The following PCDHGA1 variants were observed in gnomAD, a reference collection of about 807,000 sequenced individuals.
PCDHGA1 encodes the protein protocadherin gamma subfamily A, 1.
Under a neutral mutation model 58.0 loss-of-function variants are expected in PCDHGA1, and 32 were observed. The ratio of observed to expected loss-of-function variants is 0.55; its 90% CI spans 0.42 to 0.74. The LOEUF (loss-of-function observed/expected upper bound fraction) is 0.74. Ranked by LOEUF, PCDHGA1 falls within the 30% of genes least tolerant of loss-of-function variation. The probability of loss-of-function intolerance (pLI) is 0.00; values close to 1 mark genes in which losing one functional copy is unlikely to be tolerated. For synonymous variants in PCDHGA1, 498 were observed against 501.1 expected (o/e 0.99, Z 0.08); for missense variants, 1,205 against 1,182.3 (o/e 1.02, Z -0.28).
At chr5:141,410,893 G>A (rs1302061377) in intron 1 of PCDHGA1, 5 of 276,602 alleles carry the variant, frequency 1.8e-5, no homozygotes, top group South Asian at 4.6e-5. Context: ...TCGCACTGTT[G>A]CCTAGGCTGG....
intron 1 of PCDHGA1, chr5:141,423,436 C>A (rs2096740667): frequency 6.2e-7 from 1 of 1,613,782 alleles, no homozygotes; most frequent in Non-Finnish European, 8.5e-7. Context: ...GGCAGGTATG[C>A]CCACGTCACA....
chr5:141,498,786 A>T (rs2099785591), intron 2 of PCDHGA1, among the ~76,000 whole-genome samples: 1 of 152,050 alleles, frequency 6.6e-6, no homozygotes, highest in East Asian at 1.9e-4. Context: ...ACAAAATATT[A>T]GCCAGGTGTG....
At chr5:141,395,472 A>T in intron 1 of PCDHGA1, 1 of 548,076 alleles carries the variant, frequency 1.8e-6, no homozygotes, top group South Asian at 2.6e-5. Flanking sequence ...GCCTTCCAGT[A>T]TTTTATTCCT....
Position 141,491,902 on chromosome 5 carries a change from G to C in PCDHGA1, c.2422-2905G>C. On this transcript the variant is annotated intron_variant, in intron 1 of 3. Transcript: ENST00000517417. This position sits in a 1 kb window ranked among gnomAD's most constrained non-coding sequence, Gnocchi z 6.9. ...AGGGATGGGGCTCCGAGCACCGGGG[G>C]TGGTGGCGACTGTGGGCGAGGGGAG... 7.0e-7 allele frequency: 1 copy of C among 1,429,002 alleles called. No individual in the cohort carries two copies. Among genetic ancestry groups the C allele is most frequent in the Non-Finnish European group, 9.3e-7 (1 of 1,079,426 alleles). The allele number at this position is 1,429,002 out of a possible 1,614,324, so 88.5% of individuals were successfully genotyped here. A position where few individuals can be genotyped will look rare whatever the true frequency, so the allele number is the denominator to read the frequency against.
At chr5:141,501,987 G>A (rs1462571527) in intron 2 of PCDHGA1, among the ~76,000 whole-genome samples, 2 of 152,016 alleles carry the variant, frequency 1.3e-5, no homozygotes, top group Non-Finnish European at 2.9e-5. Flanking sequence ...TGGTCCCGTT[G>A]TCTCCCTGAC....
chr5:141,375,863 G>A, intron 1 of PCDHGA1: 3 of 1,613,986 alleles, frequency 1.9e-6, no homozygotes, highest in East Asian at 2.2e-5. Context: ...GGTGGTGGCG[G>A]TGGACAGAGA....
At position 141,489,385 on chromosome 5, in the gene PCDHGA1, G is replaced by C. The variant is rs893348832; in HGVS notation, c.2422-5422G>C. The stretch of plus-strand genomic sequence containing the variant: ...GCCGGGGACGCTGGTGGGGAATGTT[G>C]CTCAGGATCTGGGCTTAAAGATGAC... On this transcript the variant is annotated intron_variant, in intron 1 of 3. Transcript: ENST00000517417. This position sits in a 1 kb window ranked among gnomAD's most constrained non-coding sequence, Gnocchi z 4.5. The C allele has an allele frequency of 6.2e-7, 1 of 1,613,924 alleles. No individual in the cohort carries two copies. Among genetic ancestry groups the C allele is most frequent in the Non-Finnish European group, 8.5e-7 (1 of 1,179,896 alleles).
intron 1 of PCDHGA1, among the ~76,000 whole-genome samples, chr5:141,484,358 G>A (rs2099595185): frequency 6.6e-6 from 1 of 152,160 alleles, no homozygotes; most frequent in South Asian, 2.1e-4. Flanking sequence ...AGTGTATCTA[G>A]TGTATCACTA....
chr5:141,509,709 T>C (rs1344120168), intron 3 of PCDHGA1, among the ~76,000 whole-genome samples: 1 of 152,200 alleles, frequency 6.6e-6, no homozygotes, highest in African/African-American at 2.4e-5. Context: ...CTGGAGGTGC[T>C]GTCTGATGTC....
intron 1 of PCDHGA1, chr5:141,433,015 C>T (rs2154555449): frequency 2.5e-6 from 4 of 1,614,172 alleles, no homozygotes; most frequent in South Asian, 2.2e-5. Flanking sequence ...TCCTGCAGAC[C>T]TATTCCCACG....
Position 141,364,935 on chromosome 5 carries a change from G to T in PCDHGA1, c.2421+31830G>T, listed in dbSNP as rs1240232107. ...CTGGTGTTGGAACAGCCCCTAGACCGCGAGAAAGAGACTGTTCACGACCTC... is the reference window on the plus strand; with the variant it reads ...CTGGTGTTGGAACAGCCCCTAGACCTCGAGAAAGAGACTGTTCACGACCTC... On this transcript the variant is annotated intron_variant, in intron 1 of 3. Coordinates refer to ENST00000517417, the MANE Select transcript of PCDHGA1 (RefSeq NM_018912.3). The T allele has an allele frequency of 3.1e-6, 5 of 1,613,906 alleles. No individual in the cohort carries two copies. In the Admixed American group the frequency reaches 8.3e-5, roughly 27 times the overall value.
At chr5:141,407,964 C>G in intron 1 of PCDHGA1, 1 of 683,628 alleles carries the variant, frequency 1.5e-6, no homozygotes, top group Non-Finnish European at 2.3e-6. Context: ...GCAGAGCAAG[C>G]GCTGACGCCG....
chr5:141,472,980 CA>C (rs60579131), intron 1 of PCDHGA1, among the ~76,000 whole-genome samples: 39,687 of 85,940 alleles, frequency 0.46, 5,633 homozygotes, highest in African/African-American at 0.56. Flanking sequence ...GAGTGAAACT[CA>C]AAAAAAAAAA....
chr5:141,340,239 C>G, intron 1 of PCDHGA1: 1 of 1,614,202 alleles, frequency 6.2e-7, no homozygotes, highest in Non-Finnish European at 8.5e-7. Flanking sequence ...ATCACTCTAA[C>G]CGCTAAAGAT....
chr5:141,393,366 G>A (rs998330932), intron 1 of PCDHGA1: 1 of 1,613,874 alleles, frequency 6.2e-7, no homozygotes, highest in African/African-American at 1.3e-5. Context: ...CGTGCAGACT[G>A]GAGACAATGG....
intron 1 of PCDHGA1, among the ~76,000 whole-genome samples, chr5:141,462,559 T>G (rs1035231534): frequency 6.6e-6 from 1 of 152,248 alleles, no homozygotes; most frequent in African/African-American, 2.4e-5. Flanking sequence ...CAGTGTTTAC[T>G]GTATTTGCTA....
chr5:141,355,432 A>C (rs1759852204), intron 1 of PCDHGA1: 1 of 1,613,966 alleles, frequency 6.2e-7, no homozygotes, highest in Non-Finnish European at 8.5e-7. Flanking sequence ...TTTCGCCCTG[A>C]ACCCGCGCAG....
intron 1 of PCDHGA1, among the ~76,000 whole-genome samples, chr5:141,442,843 G>C (rs1264073611): frequency 2.0e-5 from 3 of 152,134 alleles, no homozygotes; most frequent in African/African-American, 7.2e-5. Flanking sequence ...GACAAATCTT[G>C]GCCATTGTAG....
chr5:141,489,126 T>A lies in PCDHGA1; in HGVS notation c.2422-5681T>A. ...TGCAAGCAGGCAAACCTCCGAGCAGTTTTTAAGAGGCTGGAAGGAGACATA... is the reference window on the plus strand; with the variant it reads ...TGCAAGCAGGCAAACCTCCGAGCAGATTTTAAGAGGCTGGAAGGAGACATA... On this transcript the variant is annotated intron_variant, in intron 1 of 3. Transcript: ENST00000517417. This position sits in a 1 kb window ranked among gnomAD's most constrained non-coding sequence, Gnocchi z 4.5. 1.7e-6 allele frequency: 1 copy of A among 585,136 alleles called. No individual in the cohort carries two copies. Among genetic ancestry groups the A allele is most frequent in the Non-Finnish European group, 2.7e-6 (1 of 375,012 alleles). The allele number at this position is 585,136 out of a possible 1,614,324, so 36.2% of individuals were successfully genotyped here.
Sources: allele counts gnomAD v4.1 joint callset (sites outside exome capture counted in the v4.1 genomes callset), GRCh38; gene constraint gnomAD v4.1.1; non-coding constraint Gnocchi (gnomAD v3.1); transcripts MANE v1.5; gene names NCBI Gene and HGNC (gene_info 2026-07-23, HGNC 2026-07-21).